The following SS18L1 variants were observed in gnomAD, a reference collection of about 807,000 sequenced individuals.
SS18L1 encodes calcium-responsive transactivator.
SS18L1 carries 32 observed loss-of-function variants against 70.3 expected under a neutral mutation model. That is an observed-to-expected ratio of 0.46 (90% CI 0.34 to 0.61). The LOEUF (loss-of-function observed/expected upper bound fraction) is 0.61. Among genes scored for constraint, SS18L1 ranks in the 20% least tolerant of loss-of-function variants. The probability of loss-of-function intolerance (pLI) is 0.01; values close to 1 mark genes in which losing one functional copy is unlikely to be tolerated. For missense variants in SS18L1, 430 were observed against 542.1 expected (o/e 0.79, Z 2.05); for synonymous variants, 237 against 229.7 (o/e 1.03, Z -0.29).
chr20:62,162,763 G>A lies in SS18L1; in HGVS notation c.388G>A (p.Val130Met), dbSNP rs138960171. The change falls in exon 5 of 11, where the codon GTG becomes ATG. Residue 130 changes from valine to methionine, a missense_variant. Transcript: ENST00000331758. Reference sequence around the variant, plus strand: ...GCTCCCCATGCCAGGGCCGAGCCACGTGTCCATGCAGCAGACGGCGCCTAA... The same window carrying A: ...GCTCCCCATGCCAGGGCCGAGCCACATGTCCATGCAGCAGACGGCGCCTAA... ...QGQIGNGPSH[V>M]SMQQTAPNTL... 67 of 1,608,654 alleles carry A rather than the reference G, an allele frequency of 4.2e-5. No individual in the cohort carries two copies. The African/African-American group carries it at 5.3e-4, about 13-fold the overall frequency.
chr20:62,149,922 C>G lies in SS18L1; in HGVS notation c.69+6033C>G, dbSNP rs1293740618. 3.3e-5 allele frequency among the ~76,000 whole-genome samples: 5 copies of G among 152,216 alleles called. No individual in the cohort carries two copies. The East Asian group carries it at 9.6e-4, about 29-fold the overall frequency. ...GCTAGTACAATAAGCACGTCTCCAGCTTGGAAACTGTCAGGAGCACAGTGA... is the reference window on the plus strand; with the variant it reads ...GCTAGTACAATAAGCACGTCTCCAGGTTGGAAACTGTCAGGAGCACAGTGA... On this transcript the variant is annotated intron_variant, in intron 1 of 10. Coordinates refer to ENST00000331758, the MANE Select transcript of SS18L1 (RefSeq NM_198935.3).
At chr20:62,167,343 G>A (rs1361839131) in intron 8 of SS18L1, among the ~76,000 whole-genome samples, 2 of 150,182 alleles carry the variant, frequency 1.3e-5, no homozygotes, top group African/African-American at 2.4e-5. Flanking sequence ...GCGCCCGGCC[G>A]AGCTCAGGAG....
chr20:62,152,632 G>A (rs895810749), intron 1 of SS18L1, among the ~76,000 whole-genome samples: 10 of 151,836 alleles, frequency 6.6e-5, no homozygotes, highest in South Asian at 2.1e-4. Context: ...GATCTAGAAC[G>A]CTCCAGGCCG....
chr20:62,175,801 C>T (rs6142970), intron 10 of SS18L1, among the ~76,000 whole-genome samples: 13,692 of 152,252 alleles, frequency 0.09, 755 homozygotes, highest in South Asian at 0.2. Context: ...TGTAGAGAAG[C>T]CTAAAGACCA....
rs765659802 is a variant in SS18L1, at chr20:62,172,823, C to CG, written c.1036+26dup. ...TACGGTAAGAGGCGAGCACGGTCCT[C>CG]GGGGCCCCCCAGCGCCCACCCCTGC... is the stretch of plus-strand genomic sequence containing the variant. On this transcript the variant is annotated intron_variant, in intron 9 of 10. Transcript: ENST00000331758. 11 of 1,607,668 alleles carry CG rather than the reference C, an allele frequency of 6.8e-6. No individual in the cohort carries two copies. In the South Asian group the frequency reaches 1.1e-4, roughly 16 times the overall value.
In SS18L1 at chr20:62,181,159, G is replaced by A. The variant is rs773561561; in HGVS notation, c.*1951G>A. The A allele has an allele frequency of 7.7e-5, 15 of 194,950 alleles. No individual in the cohort carries two copies. Among genetic ancestry groups the A allele is most frequent in the Middle Eastern group, 1.8e-3 (1 of 564 alleles). The allele number at this position is 194,950 out of a possible 1,614,324, so 12.1% of individuals were successfully genotyped here. ...GGAGACGGATGTCACGCACAAATGG[G>A]GAGAGAAGTGTTTATTTTGTAGGCA... is the stretch of plus-strand genomic sequence containing the variant. On this transcript the variant is annotated 3_prime_UTR_variant, in exon 11 of 11. Coordinates refer to ENST00000331758, the MANE Select transcript of SS18L1 (RefSeq NM_198935.3).
chr20:62,174,385 CAA>C lies in SS18L1; in HGVS notation c.1037-129_1037-128del. The C allele has an allele frequency of 7.0e-7, 1 of 1,429,994 alleles. No homozygotes were observed. The highest frequency in any genetic ancestry group is 1.5e-5 in the South Asian group (1 of 68,152). The allele number at this position is 1,429,994 out of a possible 1,614,324, so 88.6% of individuals were successfully genotyped here. A position where few individuals can be genotyped will look rare whatever the true frequency, so the allele number is the denominator to read the frequency against. ...AGGTGCCAGGTGTTCTGGAGATTGA[CAA>C]AAGGCTGATGCATTGAGACGGGAAT... On this transcript the variant is annotated intron_variant, in intron 9 of 10. Transcript: ENST00000331758. This position sits in a 1 kb window ranked among gnomAD's most constrained non-coding sequence, Gnocchi z 4.1.
chr20:62,152,718 A>G (rs538164959), intron 1 of SS18L1, among the ~76,000 whole-genome samples: 1 of 152,318 alleles, frequency 6.6e-6, no homozygotes, highest in South Asian at 2.1e-4. Flanking sequence ...GCCCATCACC[A>G]GCCCTGGCAA....
At chr20:62,176,259 T>C (rs1165019387) in intron 10 of SS18L1, among the ~76,000 whole-genome samples, 1 of 152,260 alleles carries the variant, frequency 6.6e-6, no homozygotes, top group Non-Finnish European at 1.5e-5. Context: ...GGCCCATGCC[T>C]GTAATCCCAG....
rs746463316 is a variant in SS18L1, at chr20:62,158,758, C to T, written c.146+10C>T. ...CGGCCGAGTGCACGCAGTGAGTGCC[C>T]GCCATACACCGGAACACTTGGAGGG... is the stretch of plus-strand genomic sequence containing the variant. On this transcript the variant is annotated intron_variant, in intron 2 of 10. Transcript: ENST00000331758. The surrounding 1 kb of genome is among the most constrained non-coding windows in gnomAD (Gnocchi z 4.5). 22 of 1,612,962 alleles carry T rather than the reference C, an allele frequency of 1.4e-5. No homozygotes were observed. Among genetic ancestry groups the T allele is most frequent in the South Asian group, 1.3e-4 (12 of 91,090 alleles).
intron 1 of SS18L1, among the ~76,000 whole-genome samples, chr20:62,157,939 TC>T (rs1462270847): frequency 6.6e-6 from 1 of 152,020 alleles, no homozygotes; most frequent in Non-Finnish European, 1.5e-5. Flanking sequence ...ACCCTTTCCT[TC>T]CCTCCCTCAC....
intron 1 of SS18L1, among the ~76,000 whole-genome samples, chr20:62,157,818 A>G (rs1407442896): frequency 2.0e-5 from 3 of 152,018 alleles, no homozygotes; most frequent in African/African-American, 4.8e-5. Flanking sequence ...TGCCAGCCCC[A>G]GGTCTAGGTC....
At chr20:62,163,827 G>A (rs553270326) in intron 6 of SS18L1, among the ~76,000 whole-genome samples, 1 of 152,104 alleles carries the variant, frequency 6.6e-6, no homozygotes, top group African/African-American at 2.4e-5. Context: ...TGCTGTCCCC[G>A]AGGAGTCAGT....
intron 8 of SS18L1, 69 bp downstream of exon 8, chr20:62,165,583 CCT>C: frequency 6.9e-7 from 1 of 1,447,904 alleles, no homozygotes; most frequent in Non-Finnish European, 9.5e-7. Flanking sequence ...GACGCTGCAC[CCT>C]TAGGAGCACG....
rs777303505 is a variant in SS18L1 at position 62,158,842 on chromosome 20, G to C, written c.146+94G>C. ...CGTCCCAAGAGTCCCCCAGCACAGA[G>C]ATCAGATAAGTCCCAGGAGTCCCCA... On this transcript the variant is annotated intron_variant, in intron 2 of 10. Transcript: ENST00000331758. The surrounding 1 kb of genome is among the most constrained non-coding windows in gnomAD (Gnocchi z 4.5). 6.2e-7 allele frequency: 1 copy of C among 1,611,138 alleles called. No homozygotes were observed. The highest frequency in any genetic ancestry group is 8.5e-7 in the Non-Finnish European group (1 of 1,179,090).
intron 8 of SS18L1, among the ~76,000 whole-genome samples, chr20:62,167,434 A>T (rs2057456095): frequency 6.7e-6 from 1 of 148,876 alleles, no homozygotes; most frequent in African/African-American, 2.5e-5. Context: ...GGTGGCGGGT[A>T]CCTGTAATCC....
rs1418612341 is a variant in SS18L1 at position 62,160,367 on chromosome 20, AGAGGTGGGGAGAGGT to A, written c.231+408_231+422del. Among the ~76,000 whole-genome samples, 6 of 12,836 alleles carry A rather than the reference AGAGGTGGGGAGAGGT, an allele frequency of 4.7e-4. No individual in the cohort carries two copies. In the Admixed American group the frequency reaches 5.9e-3, roughly 13 times the overall value. 8.4% of individuals were successfully genotyped at this position (12,836 alleles called of 152,430 possible). A position where few individuals can be genotyped will look rare whatever the true frequency, so the allele number is the denominator to read the frequency against. ...AGAGGTGGAGAGAGGTGGGATGGGG[AGAGGTGGGGAGAGGT>A]GGGGTGGGGAGAGGTGGGATGGGGA... is the stretch of plus-strand genomic sequence containing the variant. On this transcript the variant is annotated intron_variant, in intron 3 of 10. Coordinates refer to ENST00000331758, the MANE Select transcript of SS18L1 (RefSeq NM_198935.3).
At chr20:62,154,515 C>T in intron 1 of SS18L1, 2 of 1,018,116 alleles carry the variant, frequency 2.0e-6, no homozygotes, top group South Asian at 4.6e-5. Context: ...CCATCGGCCC[C>T]CCAGAGGTCT....
At position 62,158,439 on chromosome 20, in the gene SS18L1, G is replaced by GCCCCT. The variant is rs2057262196; in HGVS notation, c.70-233_70-232insCCCCT. On this transcript the variant is annotated intron_variant, in intron 1 of 10. Coordinates refer to ENST00000331758, the MANE Select transcript of SS18L1 (RefSeq NM_198935.3). The surrounding 1 kb of genome is among the most constrained non-coding windows in gnomAD (Gnocchi z 4.5). Reference sequence around the variant, plus strand: ...CAGAACCTTTTGAGCACCAACATGAGGCTCAAAGGAAATGCTCATTGGAGC... The same window carrying GCCCCT: ...CAGAACCTTTTGAGCACCAACATGAGCCCCTGCTCAAAGGAAATGCTCATTGGAGC... 6.6e-6 allele frequency among the ~76,000 whole-genome samples: 1 copy of GCCCCT among 151,726 alleles called. No homozygotes were observed. Among genetic ancestry groups the GCCCCT allele is most frequent in the African/African-American group, 2.4e-5 (1 of 41,280 alleles).
Sources: allele counts gnomAD v4.1 joint callset (sites outside exome capture counted in the v4.1 genomes callset), GRCh38; gene constraint gnomAD v4.1.1; non-coding constraint Gnocchi (gnomAD v3.1); transcripts MANE v1.5; gene names NCBI Gene and HGNC (gene_info 2026-07-23, HGNC 2026-07-21).